The following DLG2 variants were observed in gnomAD, a reference collection of about 807,000 sequenced individuals.
The protein encoded by DLG2 is discs large MAGUK scaffold protein 2, also known as disks large homolog 2.
Under a neutral mutation model 132.5 loss-of-function variants are expected in DLG2, and 45 were observed. The observed-to-expected ratio is 0.34, with a 90% CI of 0.27 to 0.44. DLG2 has a LOEUF of 0.44. DLG2 is among the 20% of genes least tolerant of loss of function. The pLI, the probability that DLG2 is intolerant of heterozygous loss-of-function variation, is 1.00. For missense variants in DLG2, 1,045 were observed against 1,196.9 expected, an observed-to-expected ratio of 0.87 and a Z score of 1.87; for synonymous variants, 424 against 419.6, an observed-to-expected ratio of 1.01 and a Z score of -0.13.
chr11:83,825,712 A>G (rs2052551278), intron 17 of DLG2, among the ~76,000 whole-genome samples: 1 of 152,134 alleles, frequency 6.6e-6, no homozygotes, highest in Admixed American at 6.5e-5. Context: ...GTCCCCACTC[A>G]GTGATATGGC....
chr11:84,706,001 C>G (rs77793015), intron 6 of DLG2, among the ~76,000 whole-genome samples: 14,919 of 151,768 alleles, frequency 0.098, 892 homozygotes, highest in African/African-American at 0.15. Flanking sequence ...CCTTGTGACA[C>G]TTGAGTTCAA....
intron 5 of DLG2, among the ~76,000 whole-genome samples, chr11:85,114,817 C>T (rs1241224802): frequency 6.6e-6 from 1 of 151,902 alleles, no homozygotes; most frequent in Non-Finnish European, 1.5e-5. Context: ...CCCCATCCCT[C>T]CAAAAACATG....
intron 6 of DLG2, among the ~76,000 whole-genome samples, chr11:84,904,733 G>T (rs974985753): frequency 6.6e-6 from 1 of 152,068 alleles, no homozygotes; most frequent in African/African-American, 2.4e-5. Flanking sequence ...CACAAAAAAG[G>T]CAAAATAAAC....
chr11:85,595,133 A>G (rs1051765445), intron 3 of DLG2, among the ~76,000 whole-genome samples: 7 of 152,128 alleles, frequency 4.6e-5, no homozygotes, highest in East Asian at 1.9e-4. Context: ...TGAAGAATAA[A>G]TAACCTAATA....
chr11:84,559,122 T>C (rs2099417922), intron 6 of DLG2, among the ~76,000 whole-genome samples: 1 of 152,192 alleles, frequency 6.6e-6, no homozygotes, highest in Admixed American at 6.6e-5. Context: ...AATAAATAGA[T>C]ATTGTATGAA....
At chr11:83,470,164 TACG>T (rs1250893183) in intron 24 of DLG2, among the ~76,000 whole-genome samples, 1 of 142,124 alleles carries the variant, frequency 7.0e-6, no homozygotes, top group Non-Finnish European at 1.6e-5. Context: ...ATAACACAAT[TACG>T]ATGATATTTT....
chr11:85,465,786 A>G (rs2092769244), intron 3 of DLG2, among the ~76,000 whole-genome samples: 1 of 152,158 alleles, frequency 6.6e-6, no homozygotes, highest in South Asian at 2.1e-4. Flanking sequence ...GTGTCTTTAT[A>G]GCAGCATGAT....
chr11:84,645,796 A>G (rs1377441749), intron 6 of DLG2, among the ~76,000 whole-genome samples: 3 of 152,186 alleles, frequency 2.0e-5, no homozygotes, highest in Non-Finnish European at 2.9e-5. Flanking sequence ...GTTTTTGCAT[A>G]GAGTGGCTAG....
chr11:83,971,485 A>G (rs1283417680), intron 12 of DLG2, among the ~76,000 whole-genome samples: 1 of 152,158 alleles, frequency 6.6e-6, no homozygotes, highest in Non-Finnish European at 1.5e-5. Context: ...ACATAAATGT[A>G]ATAATACAAA....
chr11:84,114,043 A>C (rs889944533), intron 9 of DLG2, among the ~76,000 whole-genome samples: 7 of 152,100 alleles, frequency 4.6e-5, no homozygotes, highest in African/African-American at 1.7e-4. Context: ...ATGTAAAACA[A>C]TGCCCTTCTA....
intron 6 of DLG2, among the ~76,000 whole-genome samples, chr11:84,648,602 G>T (rs555879129): frequency 6.6e-6 from 1 of 152,032 alleles, no homozygotes; most frequent in Non-Finnish European, 1.5e-5. Flanking sequence ...AGGTTGGATC[G>T]CTCATGCACT....
chr11:84,583,272 C>T (rs2099520973), intron 6 of DLG2, among the ~76,000 whole-genome samples: 1 of 152,168 alleles, frequency 6.6e-6, no homozygotes, highest in Non-Finnish European at 1.5e-5. Flanking sequence ...TAATTCCACC[C>T]ACCACTGCTC....
intron 11 of DLG2, among the ~76,000 whole-genome samples, chr11:84,057,737 T>A (rs2096527769): frequency 6.6e-6 from 1 of 152,202 alleles, no homozygotes; most frequent in Non-Finnish European, 1.5e-5. Flanking sequence ...TTATTCTAAA[T>A]ACTTTTTGTG....
chr11:84,131,500 C>T (rs547485045), intron 9 of DLG2, among the ~76,000 whole-genome samples: 2 of 151,924 alleles, frequency 1.3e-5, no homozygotes, highest in South Asian at 4.2e-4. Context: ...TTTCTTTCAC[C>T]CTATAGAATT....
chr11:83,540,079 C>T (rs1416933384), intron 20 of DLG2, among the ~76,000 whole-genome samples: 1 of 152,140 alleles, frequency 6.6e-6, no homozygotes, highest in Admixed American at 6.6e-5. Flanking sequence ...TTTAAAATGA[C>T]CTGACATCTA....
chr11:85,596,055 C>A (rs2079732831), intron 3 of DLG2, among the ~76,000 whole-genome samples: 1 of 151,972 alleles, frequency 6.6e-6, no homozygotes. Flanking sequence ...GAGTTCAAGA[C>A]CAGCCTGGGA....
intron 6 of DLG2, among the ~76,000 whole-genome samples, chr11:84,677,434 A>C (rs1392670459): frequency 6.6e-6 from 1 of 152,050 alleles, no homozygotes; most frequent in Non-Finnish European, 1.5e-5. Flanking sequence ...AGTAGGAAAA[A>C]AACCATATTT....
chr11:84,934,161 C>A (rs184956210), intron 6 of DLG2, among the ~76,000 whole-genome samples: 28 of 151,998 alleles, frequency 1.8e-4, no homozygotes, highest in African/African-American at 6.0e-4. Context: ...TCTGTTTATG[C>A]GATAAATCAC....
chr11:83,652,041 A>T (rs2070684622), intron 18 of DLG2: 4 of 295,786 alleles, frequency 1.4e-5, no homozygotes, highest in South Asian at 1.2e-4. Context: ...AGCAGAAAAG[A>T]GAAAAAATTA....
Sources: allele counts gnomAD v4.1 joint callset (sites outside exome capture counted in the v4.1 genomes callset), GRCh38; gene constraint gnomAD v4.1.1; transcripts MANE v1.5; gene names NCBI Gene and HGNC (gene_info 2026-07-23, HGNC 2026-07-21).